Variants in ACOXL observed in about 807,000 individuals in gnomAD.
The protein encoded by ACOXL is acyl-CoA oxidase like, also known as acyl-coenzyme A oxidase-like protein.
Under a neutral mutation model 71.9 loss-of-function variants are expected in ACOXL, and 70 were observed. The observed-to-expected ratio is 0.97, with a 90% CI of 0.80 to 1.19. ACOXL has a LOEUF of 1.19. ACOXL is among the 50% of genes most tolerant of loss of function. The probability of loss-of-function intolerance (pLI) is 0.00; values close to 1 mark genes in which losing one functional copy is unlikely to be tolerated. For missense variants in ACOXL, 703 were observed against 736.3 expected (o/e 0.95, Z 0.52); for synonymous variants, 253 against 281.6 (o/e 0.90, Z 1.02).
At chr2:111,043,327 G>A (rs571795738) in intron 15 of ACOXL, among the ~76,000 whole-genome samples, 6 of 152,332 alleles carry the variant, frequency 3.9e-5, no homozygotes, top group South Asian at 2.1e-4. Flanking sequence ...TCAACCCTCC[G>A]TGTTGATTCT....
intron 12 of ACOXL, among the ~76,000 whole-genome samples, chr2:110,956,305 GT>G (rs2061499658): frequency 6.6e-6 from 1 of 152,102 alleles, no homozygotes; most frequent in Non-Finnish European, 1.5e-5. Flanking sequence ...TATGGGTAGC[GT>G]AGTGCCTAAG....
intron 12 of ACOXL, among the ~76,000 whole-genome samples, chr2:110,984,943 G>A (rs867504836): frequency 1.1e-4 from 17 of 152,204 alleles, no homozygotes; most frequent in Admixed American, 1.3e-4. Flanking sequence ...CAGTAAACAA[G>A]TTGTGGTCTG....
intron 13 of ACOXL, among the ~76,000 whole-genome samples, chr2:110,992,581 C>A (rs2063220655): frequency 6.6e-6 from 1 of 152,218 alleles, no homozygotes; most frequent in African/African-American, 2.4e-5. Flanking sequence ...AGTAACTACC[C>A]CTCATTTCGG....
intron 8 of ACOXL, among the ~76,000 whole-genome samples, chr2:110,804,057 G>A (rs1686327933): frequency 6.7e-6 from 1 of 149,976 alleles, no homozygotes; most frequent in Admixed American, 6.7e-5. Flanking sequence ...TGTAATCTTG[G>A]CTCTCTGCAA....
chr2:110,762,886 G>T (rs975990461), intron 1 of ACOXL, among the ~76,000 whole-genome samples: 1 of 152,012 alleles, frequency 6.6e-6, no homozygotes, highest in African/African-American at 2.4e-5. Flanking sequence ...CAAGCTCCTG[G>T]GCTCGAGCAA....
intron 14 of ACOXL, among the ~76,000 whole-genome samples, chr2:111,009,621 T>C (rs1314187288): frequency 6.6e-6 from 1 of 151,870 alleles, no homozygotes; most frequent in Non-Finnish European, 1.5e-5. Context: ...AGAGGGAAGC[T>C]TCAAAATACA....
intron 16 of ACOXL, among the ~76,000 whole-genome samples, chr2:111,055,233 C>T (rs376022633): frequency 3.3e-5 from 5 of 152,178 alleles, no homozygotes; most frequent in Admixed American, 6.5e-5. Flanking sequence ...GTGCTCGCCA[C>T]GGCAACCCAA....
chr2:111,004,797 C>T (rs2063796525), intron 14 of ACOXL, among the ~76,000 whole-genome samples: 1 of 152,168 alleles, frequency 6.6e-6, no homozygotes, highest in African/African-American at 2.4e-5. Context: ...CATTTCTGGT[C>T]AGCTTATACT....
At chr2:111,063,458 C>T (rs1297658148) in intron 16 of ACOXL, among the ~76,000 whole-genome samples, 2 of 152,054 alleles carry the variant, frequency 1.3e-5, no homozygotes, top group Non-Finnish European at 2.9e-5. Flanking sequence ...AGACGCAAGG[C>T]TGGTTCAATT....
intron 17 of ACOXL, among the ~76,000 whole-genome samples, chr2:111,112,632 A>G (rs1205038928): frequency 3.3e-5 from 5 of 152,206 alleles, no homozygotes; most frequent in African/African-American, 1.2e-4. Flanking sequence ...GAAGTCTGCA[A>G]AAAGTGAGAA....
chr2:110,989,268 A>G (rs2063071524), intron 13 of ACOXL, among the ~76,000 whole-genome samples: 1 of 152,148 alleles, frequency 6.6e-6, no homozygotes. Context: ...GTAACCTGCA[A>G]GGTCTCTTTG....
chr2:110,737,495 C>T (rs1316266369), intron 1 of ACOXL, among the ~76,000 whole-genome samples: 1 of 152,206 alleles, frequency 6.6e-6, no homozygotes, highest in Non-Finnish European at 1.5e-5. Flanking sequence ...AGCCATGCCC[C>T]ACAGTGTACC....
chr2:111,074,481 A>G (rs563489126), intron 16 of ACOXL, among the ~76,000 whole-genome samples: 21 of 152,072 alleles, frequency 1.4e-4, no homozygotes, highest in African/African-American at 4.6e-4. Context: ...TTCCTAAGAG[A>G]TTTTTTTAAA....
At chr2:111,059,301 C>T (rs1574633125) in intron 16 of ACOXL, among the ~76,000 whole-genome samples, 1 of 152,264 alleles carries the variant, frequency 6.6e-6, no homozygotes, top group Middle Eastern at 3.4e-3. Flanking sequence ...TGGTGTGTTC[C>T]TGAAAACCTT....
intron 9 of ACOXL, among the ~76,000 whole-genome samples, chr2:110,834,253 G>A (rs1029094073): frequency 2.0e-5 from 3 of 152,216 alleles, no homozygotes; most frequent in Non-Finnish European, 4.4e-5. Flanking sequence ...GTTCCAGAGT[G>A]TGAGGTGTTC....
chr2:110,891,047 G>T (rs1437248718), intron 10 of ACOXL, among the ~76,000 whole-genome samples: 1 of 138,608 alleles, frequency 7.2e-6, no homozygotes, highest in Non-Finnish European at 1.6e-5. Flanking sequence ...ATTATAAATG[G>T]AATTGCTTTT....
chr2:110,894,208 A>G (rs1181837215), intron 10 of ACOXL, among the ~76,000 whole-genome samples: 1 of 152,142 alleles, frequency 6.6e-6, no homozygotes, highest in African/African-American at 2.4e-5. Context: ...CAGATCTAAG[A>G]AGACTTTGAA....
chr2:110,807,565 A>G (rs1284647761), intron 9 of ACOXL, among the ~76,000 whole-genome samples: 3 of 152,202 alleles, frequency 2.0e-5, no homozygotes, highest in Non-Finnish European at 4.4e-5. Context: ...AAACCACAGT[A>G]ACCCGGAGTT....
chr2:110,969,101 C>G (rs2062064734), intron 12 of ACOXL, among the ~76,000 whole-genome samples: 1 of 152,072 alleles, frequency 6.6e-6, no homozygotes, highest in South Asian at 2.1e-4. Context: ...TTTAATGGAA[C>G]TTTAAAAATA....
Sources: allele counts gnomAD v4.1 joint callset (sites outside exome capture counted in the v4.1 genomes callset), GRCh38; gene constraint gnomAD v4.1.1; transcripts MANE v1.5; gene names NCBI Gene and HGNC (gene_info 2026-07-23, HGNC 2026-07-21).